Variants in WNK1 observed in about 807,000 individuals in gnomAD.
WNK1 encodes the protein serine/threonine-protein kinase WNK1.
WNK1 carries 38 observed loss-of-function variants against 222.8 expected under a neutral mutation model. That is an observed-to-expected ratio of 0.17 (90% confidence interval 0.13 to 0.22). WNK1 has a LOEUF of 0.22. Among genes scored for constraint, WNK1 ranks in the 10% least tolerant of loss-of-function variants. The probability of loss-of-function intolerance (pLI) is 1.00; values close to 1 mark genes in which losing one functional copy is unlikely to be tolerated. For missense variants in WNK1, 2,348 were observed against 2,918.4 expected, an observed-to-expected ratio of 0.80 and a Z score of 4.50; for synonymous variants, 1,090 against 1,092.9, an observed-to-expected ratio of 1.00 and a Z score of 0.05.
chr12:773,995 A>G (rs534086701), intron 1 of WNK1, among the ~76,000 whole-genome samples: 3 of 152,234 alleles, frequency 2.0e-5, no homozygotes, highest in African/African-American at 7.2e-5. Flanking sequence ...TCTGTGTTGT[A>G]TCCTTACCTA....
chr12:802,514 T>C (rs1444402628), intron 1 of WNK1, among the ~76,000 whole-genome samples: 3 of 152,174 alleles, frequency 2.0e-5, no homozygotes, highest in Admixed American at 1.3e-4. Context: ...AGAAGTTCTA[T>C]TATGATTGAT....
At chr12:783,180 G>A (rs1173909323) in intron 1 of WNK1, among the ~76,000 whole-genome samples, 1 of 151,990 alleles carries the variant, frequency 6.6e-6, no homozygotes, top group Non-Finnish European at 1.5e-5. Context: ...CTCCCAAAGT[G>A]CTGAGATTAT....
intron 12 of WNK1, chr12:881,394 C>T (rs560829971): frequency 2.7e-5 from 13 of 474,140 alleles, no homozygotes; most frequent in East Asian, 2.5e-4. Flanking sequence ...GCTCTGTCTG[C>T]GCTATTGCAC....
Position 859,195 on chromosome 12 carries a change from A to G in WNK1, c.1401-50A>G. On this transcript the variant is annotated intron_variant, in intron 5 of 27. Transcript: ENST00000315939. ...GCCACATTTGAAAATTATTTTTTCA[A>G]ACTAATGGTGTTTTATTTTTGTTCC... The G allele has an allele frequency of 3.4e-6, 5 of 1,485,706 alleles. 1 individual carries two copies. Among genetic ancestry groups the G allele is most frequent in the African/African-American group, 1.4e-5 (1 of 72,322 alleles). The allele number at this position is 1,485,706 out of a possible 1,614,324, so 92.0% of individuals were successfully genotyped here.
chr12:859,151 C>A, intron 5 of WNK1, 94 bp from the exon 6 acceptor site: 1 of 1,097,544 alleles, frequency 9.1e-7, no homozygotes, highest in Non-Finnish European at 1.4e-6. Flanking sequence ...TTTTTTTCTT[C>A]TGCGAATAAC....
chr12:867,048 A>G (rs2154070767), intron 8 of WNK1, among the ~76,000 whole-genome samples: 1 of 152,236 alleles, frequency 6.6e-6, no homozygotes, highest in South Asian at 2.1e-4. Context: ...CCTTGAACCC[A>G]GGAGGCGGAG....
At chr12:757,137 A>G (rs1940173605) in intron 1 of WNK1, among the ~76,000 whole-genome samples, 1 of 152,008 alleles carries the variant, frequency 6.6e-6, no homozygotes, top group Non-Finnish European at 1.5e-5. Context: ...CCTTATACCC[A>G]TGGCAAATTT....
rs751771724 is a variant in WNK1 at position 908,792 on chromosome 12, G to A, written c.7149G>A (p.Ter2383=). Residue 2383 remains the stop codon, a stop_retained_variant, in exon 28 of 28, where the codon TAG becomes TAA. Transcript: ENST00000315939. ...NPPGSNLRTT[*] is the part of the protein sequence containing the mutation. Reference sequence around the variant, plus strand: ...CAGGCTCCAACCTGCGGACCACTTAGACCTAGAGACATTAACTGAATAGAT... The same window carrying A: ...CAGGCTCCAACCTGCGGACCACTTAAACCTAGAGACATTAACTGAATAGAT... The A allele has an allele frequency of 2.2e-6, 3 of 1,352,456 alleles. No individual in the cohort carries two copies. In the South Asian group the frequency reaches 3.4e-5, roughly 15 times the overall value. 83.8% of individuals were successfully genotyped at this position (1,352,456 alleles called of 1,614,324 possible). A position where few individuals can be genotyped will look rare whatever the true frequency, so the allele number is the denominator to read the frequency against.
At position 780,975 on chromosome 12, in the gene WNK1, CCTTT is replaced by C. The variant is rs1156612963; in HGVS notation, c.759+26654_759+26657del. Among the ~76,000 whole-genome samples the C allele has an allele frequency of 6.6e-5, 10 of 152,298 alleles. No individual in the cohort carries two copies. In the East Asian group the frequency reaches 1.9e-3, roughly 29 times the overall value. ...AGACTACTTTGCAGTGGCTATCAAA[CCTTT>C]CTGAGACTCATTCTAAGAAATACAT... On this transcript the variant is annotated intron_variant, in intron 1 of 27. Coordinates refer to ENST00000315939, the MANE Select transcript of WNK1 (RefSeq NM_018979.4).
chr12:907,321 A>C (rs1366027969), intron 26 of WNK1, among the ~76,000 whole-genome samples: 1 of 44,228 alleles, frequency 2.3e-5, no homozygotes, highest in Middle Eastern at 0.014. Context: ...ACTCCATCTC[A>C]AAAAAAAAAA....
At chr12:905,465 G>A (rs867008615) in intron 26 of WNK1, among the ~76,000 whole-genome samples, 16 of 152,178 alleles carry the variant, frequency 1.1e-4, no homozygotes, top group African/African-American at 3.6e-4. Context: ...ACAGACTAGA[G>A]AGGTGTGTCT....
rs886733677 is a variant in WNK1 at position 860,948 on chromosome 12, G to C, written c.1621-65G>C. On this transcript the variant is annotated intron_variant, in intron 6 of 27. Transcript: ENST00000315939. ...ATGCCTTTTTTTTTTTTGGCGGGGG[G>C]TGGTGGTGGGGGGTGTTGTTTTCTT... The C allele has an allele frequency of 6.3e-6, 9 of 1,436,374 alleles. No individual in the cohort carries two copies. The African/African-American group carries it at 1.2e-4, about 19-fold the overall frequency. The allele number at this position is 1,436,374 out of a possible 1,614,324, so 89.0% of individuals were successfully genotyped here. A position where few individuals can be genotyped will look rare whatever the true frequency, so the allele number is the denominator to read the frequency against.
chr12:858,086 G>T (rs1950922789), intron 5 of WNK1, among the ~76,000 whole-genome samples: 2 of 151,994 alleles, frequency 1.3e-5, no homozygotes, highest in South Asian at 4.1e-4. Context: ...TGGTTTTTAA[G>T]CCTTTATTAA....
intron 8 of WNK1, chr12:867,668 G>A (rs1177083145): frequency 1.6e-6 from 1 of 619,214 alleles, no homozygotes. Flanking sequence ...AGAGCCCACA[G>A]ATTGATTTCA....
rs1948430651 is a variant in WNK1, at chr12:827,381, A to G, written c.1153+119A>G. On this transcript the variant is annotated intron_variant, in intron 3 of 27. Coordinates refer to ENST00000315939, the MANE Select transcript of WNK1 (RefSeq NM_018979.4). This position sits in a 1 kb window ranked among gnomAD's most constrained non-coding sequence, Gnocchi z 4.6. Reference sequence around the variant, plus strand: ...CTTAAGAAATTCATAGCTTGAACTCAGGAGGTGATCCATTGTACTTATGAG... The same window carrying G: ...CTTAAGAAATTCATAGCTTGAACTCGGGAGGTGATCCATTGTACTTATGAG... 1 of 865,546 alleles carries G rather than the reference A, an allele frequency of 1.2e-6. No individual in the cohort carries two copies. The highest frequency in any genetic ancestry group is 1.9e-6 in the Non-Finnish European group (1 of 518,454). The allele number at this position is 865,546 out of a possible 1,614,324, so 53.6% of individuals were successfully genotyped here.
chr12:874,089 A>G (rs891532739), intron 9 of WNK1, among the ~76,000 whole-genome samples: 1 of 151,940 alleles, frequency 6.6e-6, no homozygotes, highest in African/African-American at 2.4e-5. Context: ...CCAGGAGTTC[A>G]AGGCTACAGT....
rs2286006 is a variant in WNK1 at position 859,323 on chromosome 12, T to C, written c.1479T>C (p.Asp493=). The C allele has an allele frequency of 0.15, 239,615 of 1,612,990 alleles. 19,482 individuals are homozygous for C. Among genetic ancestry groups the C allele is most frequent in the Middle Eastern group, 0.2 (1,239 of 6,054 alleles). The change falls in exon 6 of 28, where the codon GAT becomes GAC. Residue 493 remains aspartate (D), a synonymous_variant. Coordinates refer to ENST00000315939, the MANE Select transcript of WNK1 (RefSeq NM_018979.4). ...TACGGGTAGAATTAGCAGAAGAAGA[T>C]GATGGAGAAAAAATAGCCATAAAAT... is the stretch of plus-strand genomic sequence containing the variant. ...TGVRVELAEE[D]DGEKIAIKLW... is the part of the protein sequence containing the mutation.
chr12:856,408 C>T (rs547014322), intron 4 of WNK1, among the ~76,000 whole-genome samples: 30 of 151,072 alleles, frequency 2.0e-4, no homozygotes, highest in Admixed American at 1.6e-3. Flanking sequence ...GAGCCAAGGT[C>T]ACACCACTGC....
intron 9 of WNK1, among the ~76,000 whole-genome samples, chr12:877,683 A>C (rs1379105226): frequency 1.3e-5 from 2 of 152,240 alleles, no homozygotes; most frequent in Non-Finnish European, 2.9e-5. Flanking sequence ...TAAAGCTAAA[A>C]TTTGAAAATG....
Sources: gnomAD v4.1 joint callset for allele counts (sites outside exome capture counted in the v4.1 genomes callset) on GRCh38, gnomAD v4.1.1 for gene constraint, Gnocchi (gnomAD v3.1) non-coding constraint, MANE v1.5 for transcripts, NCBI Gene and HGNC (gene_info 2026-07-23, HGNC 2026-07-21) for gene names.